PGM3: variants seen among roughly 807,000 people sequenced by gnomAD.
PGM3 encodes the protein phosphoglucomutase 3.
In PGM3, 40 loss-of-function variants were observed where a neutral mutation model predicts 66.2. The observed-to-expected ratio is 0.60, with a 90% CI of 0.47 to 0.79. The LOEUF (loss-of-function observed/expected upper bound fraction) is 0.79, where lower values mean the gene tolerates loss of function less well. PGM3 is among the 30% of genes least tolerant of loss of function. The probability of loss-of-function intolerance (pLI) is 0.00; values close to 1 mark genes in which losing one functional copy is unlikely to be tolerated. For synonymous variants in PGM3, 191 were observed against 224.2 expected, an observed-to-expected ratio of 0.85 and a Z score of 1.32; for missense variants, 537 against 643.4, an observed-to-expected ratio of 0.83 and a Z score of 1.79.
chr6:83,163,415 G>A (rs1242581740), downstream of PGM3, among the ~76,000 whole-genome samples: 1 of 152,148 alleles, frequency 6.6e-6, no homozygotes, highest in Non-Finnish European at 1.5e-5. Flanking sequence ...CAATGGGTAA[G>A]AAGATTATAC....
the PGM3 span, among the ~76,000 whole-genome samples, chr6:83,152,958 G>A: frequency 6.6e-6 from 1 of 152,044 alleles, no homozygotes; most frequent in African/African-American, 2.4e-5. Context: ...CCACTATAAT[G>A]TATTTTACAA....
In PGM3 at chr6:83,166,525, C is replaced by T; in HGVS notation, c.*2709G>A. The stretch of plus-strand genomic sequence containing the variant: ...TTTTGTCTAACATCATTTCCATAGT[C>T]TAAAATAAATATAAACAGCAATAAG... On this transcript the variant is annotated 3_prime_UTR_variant, in exon 13 of 13. Coordinates refer to ENST00000513973, the MANE Select transcript of PGM3 (RefSeq NM_015599.3). 3.0e-6 allele frequency: 2 copies of T among 676,418 alleles called. No individual in the cohort carries two copies. The highest frequency in any genetic ancestry group is 1.7e-5 in the South Asian group (1 of 60,374). 41.9% of individuals were successfully genotyped at this position (676,418 alleles called of 1,614,324 possible).
chr6:83,172,569 G>C (rs1315266482), intron 10 of PGM3, among the ~76,000 whole-genome samples: 1 of 152,026 alleles, frequency 6.6e-6, no homozygotes, highest in African/African-American at 2.4e-5. Flanking sequence ...TGAGGCAGGA[G>C]AATTGCTTGA....
intron 2 of PGM3, among the ~76,000 whole-genome samples, chr6:83,189,065 G>A (rs1019903302): frequency 6.6e-6 from 1 of 152,112 alleles, no homozygotes; most frequent in African/African-American, 2.4e-5. Flanking sequence ...AGAGAGGTTA[G>A]GTAATTTGCT....
downstream of PGM3, among the ~76,000 whole-genome samples, chr6:83,158,252 C>T (rs1391543847): frequency 6.6e-6 from 1 of 152,074 alleles, no homozygotes; most frequent in East Asian, 1.9e-4. Flanking sequence ...CTGCCCACCT[C>T]GACCTCCCAA....
At chr6:83,171,367 ATTAT>A (rs1189520237) in intron 11 of PGM3, 1 of 152,174 alleles carries the variant, frequency 6.6e-6, no homozygotes, top group Non-Finnish European at 1.5e-5. Context: ...CGTCATTCAT[ATTAT>A]TTATTATATC....
chr6:83,176,199 A>G, intron 8 of PGM3, 139 bp from the exon 9 acceptor site: 1 of 596,110 alleles, frequency 1.7e-6, no homozygotes. Flanking sequence ...GCATTAAAAT[A>G]CAAAATGGTA....
At chr6:83,169,948 A>T in intron 12 of PGM3, 1 of 383,226 alleles carries the variant, frequency 2.6e-6, no homozygotes. Context: ...TGAACTACAA[A>T]GCTGGTTGTT....
At chr6:83,187,590 G>T (rs750578725) in intron 3 of PGM3, among the ~76,000 whole-genome samples, 1 of 152,148 alleles carries the variant, frequency 6.6e-6, no homozygotes, top group Non-Finnish European at 1.5e-5. Flanking sequence ...GAGGTGGGTG[G>T]ATCACAAGAT....
chr6:83,152,270 A>AATTT, the PGM3 span: 1 of 1,478,346 alleles, frequency 6.8e-7, no homozygotes, highest in Non-Finnish European at 9.2e-7. Flanking sequence ...CATATCTTTA[A>AATTT]TTTTCTCTTA....
chr6:83,167,626 T>C lies in PGM3; in HGVS notation c.*1608A>G. On this transcript the variant is annotated 3_prime_UTR_variant, in exon 13 of 13. Transcript: ENST00000513973. ...AAGCTATTTCTGTTAACTAAGCTTA[T>C]CTGCGCATTCTAGTTGGGAACTATT... is the stretch of plus-strand genomic sequence containing the variant. 1.6e-6 allele frequency: 2 copies of C among 1,225,494 alleles called. No individual in the cohort carries two copies. The highest frequency in any genetic ancestry group is 2.0e-6 in the Non-Finnish European group (2 of 983,264). The allele number at this position is 1,225,494 out of a possible 1,614,324, so 75.9% of individuals were successfully genotyped here.
intron 11 of PGM3, chr6:83,171,131 G>C (rs1787004327): frequency 6.6e-6 from 1 of 152,218 alleles, no homozygotes; most frequent in Non-Finnish European, 1.5e-5. Context: ...CCTGAGCTCA[G>C]GAGTTCAAGA....
At chr6:83,156,673 C>CTCT (rs1376288367), downstream of PGM3, among the ~76,000 whole-genome samples, 1 of 152,234 alleles carries the variant, frequency 6.6e-6, no homozygotes, top group African/African-American at 2.4e-5. Flanking sequence ...AGTCAGCATA[C>CTCT]TCTAAAGCCT....
At chr6:83,183,033 G>A (rs1583283351) in intron 4 of PGM3, 55 bp from the exon 5 acceptor site, 1 of 1,533,032 alleles carries the variant, frequency 6.5e-7, no homozygotes, top group South Asian at 1.2e-5. Flanking sequence ...AGAGAAAAAA[G>A]TTTAAATGCA....
intron 10 of PGM3, among the ~76,000 whole-genome samples, chr6:83,172,734 A>G (rs1373714232): frequency 6.6e-6 from 1 of 152,214 alleles, no homozygotes; most frequent in Non-Finnish European, 1.5e-5. Context: ...CCCAAGGGAA[A>G]AAGACCCTCT....
chr6:83,191,970 A>AAAAAAAAAAC (rs1562434656), intron 1 of PGM3, among the ~76,000 whole-genome samples: 3 of 136,584 alleles, frequency 2.2e-5, no homozygotes, highest in African/African-American at 8.3e-5. Flanking sequence ...AAAAAAAAAA[A>AAAAAAAAAAC]AAAAAAAAAA....
chr6:83,179,407 GATTT>G (rs1331316012), intron 7 of PGM3, among the ~76,000 whole-genome samples: 2 of 151,644 alleles, frequency 1.3e-5, no homozygotes, highest in African/African-American at 2.4e-5. Flanking sequence ...GCTAGCCTGA[GATTT>G]ATTTCTAAAA....
intron 12 of PGM3, 52 bp downstream of exon 12, chr6:83,170,253 C>T (rs758323477): frequency 1.3e-6 from 2 of 1,527,278 alleles, no homozygotes; most frequent in South Asian, 2.3e-5. Context: ...AATAGTTTGC[C>T]TGCCCATCAC....
At chr6:83,190,616 T>G (rs1042894277) in intron 2 of PGM3, 193 bp downstream of exon 2, 9 of 593,570 alleles carry the variant, frequency 1.5e-5, no homozygotes, top group Non-Finnish European at 2.1e-5. Flanking sequence ...TTTTCATTCT[T>G]TCCACACCCT....
Sources: allele counts gnomAD v4.1 joint callset (sites outside exome capture counted in the v4.1 genomes callset), GRCh38; gene constraint gnomAD v4.1.1; transcripts MANE v1.5; gene names NCBI Gene and HGNC (gene_info 2026-07-23, HGNC 2026-07-21).